Variants in CHODL observed in about 807,000 individuals in gnomAD.
CHODL encodes the protein chondrolectin.
A neutral mutation model predicts 34.5 loss-of-function variants in CHODL; 29 were observed. The observed-to-expected ratio is 0.84, with a 90% CI of 0.63 to 1.15. The LOEUF (loss-of-function observed/expected upper bound fraction) is 1.15, where lower values mean the gene tolerates loss of function less well. Ranked by LOEUF, CHODL falls within the 50% of genes most tolerant of loss-of-function variation. The pLI is 0.00. For synonymous variants in CHODL, 125 were observed against 116.1 expected (o/e 1.08, Z -0.49); for missense variants, 332 against 332.5 (o/e 1.00, Z 0.01).
chr21:17,939,175 C>A (rs1191677292), intron 1 of CHODL, among the ~76,000 whole-genome samples: 1 of 152,128 alleles, frequency 6.6e-6, no homozygotes, highest in African/African-American at 2.4e-5. Flanking sequence ...TACAGCAGAT[C>A]TTTAGAGCTT....
intron 1 of CHODL, among the ~76,000 whole-genome samples, chr21:17,992,912 G>A (rs911949618): frequency 3.9e-5 from 6 of 151,914 alleles, no homozygotes; most frequent in South Asian, 2.1e-4. Flanking sequence ...CTCAGCCTCC[G>A]AAAGTCCTGG....
At chr21:18,196,615 C>T (rs73202953) in intron 2 of CHODL, among the ~76,000 whole-genome samples, 6,909 of 152,228 alleles carry the variant, frequency 0.045, 203 homozygotes, top group Non-Finnish European at 0.068. Flanking sequence ...AATATCTTCA[C>T]TCAGTTTTTG....
intron 2 of CHODL, among the ~76,000 whole-genome samples, chr21:18,136,287 T>G: frequency 6.6e-6 from 1 of 152,132 alleles, no homozygotes; most frequent in East Asian, 1.9e-4. Flanking sequence ...AGTTTGGGAT[T>G]AGGATTACTT....
chr21:18,058,449 T>C (rs189885540), intron 2 of CHODL, among the ~76,000 whole-genome samples: 7 of 152,036 alleles, frequency 4.6e-5, no homozygotes, highest in Admixed American at 1.3e-4. Flanking sequence ...GGAATCAACC[T>C]GAGTTCATCA....
intron 2 of CHODL, among the ~76,000 whole-genome samples, chr21:18,060,282 T>C (rs1427343470): frequency 6.6e-6 from 1 of 151,822 alleles, no homozygotes; most frequent in African/African-American, 2.4e-5. Context: ...TGGCAAAACC[T>C]TGTCTCTACA....
intron 2 of CHODL, among the ~76,000 whole-genome samples, chr21:18,129,580 G>A (rs1030815553): frequency 3.3e-5 from 5 of 152,092 alleles, no homozygotes; most frequent in African/African-American, 9.7e-5. Flanking sequence ...TTTGTAGTAG[G>A]GCTTTGAGAA....
At chr21:18,195,229 T>C (rs759096109) in intron 2 of CHODL, among the ~76,000 whole-genome samples, 4 of 151,968 alleles carry the variant, frequency 2.6e-5, no homozygotes, top group Non-Finnish European at 4.4e-5. Context: ...TAATTTTTTG[T>C]ATTTTTAGTA....
At chr21:17,967,511 G>A (rs1176181246) in intron 1 of CHODL, among the ~76,000 whole-genome samples, 2 of 151,980 alleles carry the variant, frequency 1.3e-5, no homozygotes, top group Non-Finnish European at 2.9e-5. Flanking sequence ...TGCAAATTGG[G>A]ACTCTAGATT....
At position 18,124,084 on chromosome 21, in the gene CHODL, G is replaced by GA. The variant is rs199550709; in HGVS notation, c.-45+96122dup. On this transcript the variant is annotated intron_variant, in intron 2 of 6. Coordinates refer to the CHODL transcript ENST00000400127. ...CTTAATTCCAGCTACTTGGAAGGCA[G>GA]AAAAAAAAATACTACAAAGTCTGCT... Among the ~76,000 whole-genome samples, 154 of 150,976 alleles carry GA rather than the reference G, an allele frequency of 1.0e-3. 1 individual carries two copies. The South Asian group carries it at 0.016, about 16-fold the overall frequency.
Position 18,193,536 on chromosome 21 carries a change from A to AC in CHODL, c.-44-62973_-44-62972insC, listed in dbSNP as rs544182458. On this transcript the variant is annotated intron_variant, in intron 2 of 6. Coordinates refer to the CHODL transcript ENST00000400127. ...TGGTGAAACCCAGTCTCTACTAAAA[A>AC]AATACAAAAATTAGCCACACATGGT... Among the ~76,000 whole-genome samples, 49 of 151,868 alleles carry AC rather than the reference A, an allele frequency of 3.2e-4. 2 individuals are homozygous for AC. The highest frequency in any genetic ancestry group is 1.2e-3 in the African/African-American group (48 of 41,440).
intron 1 of CHODL, among the ~76,000 whole-genome samples, chr21:17,918,355 A>G (rs1341878042): frequency 6.6e-6 from 1 of 151,924 alleles, no homozygotes; most frequent in African/African-American, 2.4e-5. Context: ...AGACTGGCCA[A>G]TTTACAAAAG....
intron 2 of CHODL, among the ~76,000 whole-genome samples, chr21:18,191,226 T>C (rs2073506884): frequency 6.6e-6 from 1 of 152,158 alleles, no homozygotes; most frequent in East Asian, 1.9e-4. Context: ...TCAGAGCACA[T>C]AAATGTCCTC....
At chr21:18,106,686 G>A (rs1056977230) in intron 2 of CHODL, among the ~76,000 whole-genome samples, 3 of 151,814 alleles carry the variant, frequency 2.0e-5, no homozygotes, top group African/African-American at 4.8e-5. Flanking sequence ...ATGTAGAGAC[G>A]CGGTTTCACC....
rs534183462 is a variant in CHODL at position 18,092,176 on chromosome 21, T to A, written c.-45+64205T>A. 1.4e-3 allele frequency among the ~76,000 whole-genome samples: 214 copies of A among 151,834 alleles called. 3 individuals carry two copies. Among genetic ancestry groups the A allele is most frequent in the East Asian group, 7.7e-4 (4 of 5,174 alleles). On this transcript the variant is annotated intron_variant, in intron 2 of 6. Transcript: ENST00000400127. Reference sequence around the variant, plus strand: ...TGGCTCAGTAGATGGAGAATCTATATGTTTGTGAGAAAGTAAGGGGAAAAA... The same window carrying A: ...TGGCTCAGTAGATGGAGAATCTATAAGTTTGTGAGAAAGTAAGGGGAAAAA...
intron 2 of CHODL, among the ~76,000 whole-genome samples, chr21:18,167,211 C>CTCTGTGTG (rs1287766265): frequency 2.6e-3 from 231 of 88,176 alleles, no homozygotes; most frequent in Middle Eastern, 0.018. Flanking sequence ...TTCTCTCTCT[C>CTCTGTGTG]TGTGTGTGTG....
At chr21:18,082,357 A>G (rs2064952974) in intron 2 of CHODL, among the ~76,000 whole-genome samples, 1 of 152,304 alleles carries the variant, frequency 6.6e-6, no homozygotes, top group African/African-American at 2.4e-5. Context: ...CAAATTACCC[A>G]GTCTCAGGTA....
chr21:18,098,525 GA>G (rs2146540477), intron 2 of CHODL, among the ~76,000 whole-genome samples: 1 of 152,176 alleles, frequency 6.6e-6, no homozygotes, highest in East Asian at 1.9e-4. Context: ...AAACTACAAT[GA>G]GACATCTTAC....
At chr21:18,088,425 C>T (rs939349519) in intron 2 of CHODL, among the ~76,000 whole-genome samples, 9 of 152,262 alleles carry the variant, frequency 5.9e-5, no homozygotes, top group African/African-American at 2.2e-4. Context: ...TGCTCTAGGT[C>T]TGGGTGCCCA....
chr21:18,004,037 T>G (rs1286370443), intron 1 of CHODL, among the ~76,000 whole-genome samples: 1 of 152,206 alleles, frequency 6.6e-6, no homozygotes, highest in Non-Finnish European at 1.5e-5. Flanking sequence ...GCAAAAGACA[T>G]GGAAGGTCAT....
Sources: gnomAD v4.1 joint callset for allele counts (sites outside exome capture counted in the v4.1 genomes callset) on GRCh38, gnomAD v4.1.1 for gene constraint, MANE v1.5 for transcripts, NCBI Gene and HGNC (gene_info 2026-07-23, HGNC 2026-07-21) for gene names.